LHFPL4: variants seen among roughly 807,000 people sequenced by gnomAD.
LHFPL4 encodes LHFPL tetraspan subfamily member 4, also known as LHFPL tetraspan subfamily member 4 protein.
Under a neutral mutation model 20.0 loss-of-function variants are expected in LHFPL4, and 6 were observed. That is an observed-to-expected ratio of 0.30 (90% CI 0.16 to 0.59). LHFPL4 has a LOEUF of 0.59. Ranked by LOEUF, LHFPL4 falls within the 20% of genes least tolerant of loss-of-function variation. The pLI, the probability that LHFPL4 is intolerant of heterozygous loss-of-function variation, is 0.88. For synonymous variants in LHFPL4, 129 were observed against 143.8 expected (o/e 0.90, Z 0.74); for missense variants, 215 against 331.2 (o/e 0.65, Z 2.72).
chr3:9,520,341 T>TTTG (rs964238163), intron 2 of LHFPL4, among the ~76,000 whole-genome samples: 27 of 152,036 alleles, frequency 1.8e-4, no homozygotes, highest in Middle Eastern at 3.4e-3. Flanking sequence ...CTTGAGGTTT[T>TTTG]TTGTTGTTGT....
chr3:9,541,796 A>T lies in LHFPL4; in HGVS notation c.406+10478T>A, dbSNP rs113078613. Among the ~76,000 whole-genome samples, 13 of 152,000 alleles carry T rather than the reference A, an allele frequency of 8.6e-5. 2 individuals are homozygous for T. Among genetic ancestry groups the T allele is most frequent in the African/African-American group, 2.4e-4 (10 of 41,504 alleles). ...CAAAGAAAAAAAAAATGGATCAAAGACCTAAATGTAAGAGCCAAAACGACA... is the reference window on the plus strand; with the variant it reads ...CAAAGAAAAAAAAAATGGATCAAAGTCCTAAATGTAAGAGCCAAAACGACA... On this transcript the variant is annotated intron_variant, in intron 2 of 3. Transcript: ENST00000287585.
intron 2 of LHFPL4, among the ~76,000 whole-genome samples, chr3:9,517,766 T>G (rs2046312591): frequency 6.6e-6 from 1 of 150,848 alleles, no homozygotes; most frequent in Non-Finnish European, 1.5e-5. Context: ...TGACGTTATA[T>G]TCTGCAATCT....
At position 9,535,163 on chromosome 3, in the gene LHFPL4, G is replaced by C. The variant is rs17531251; in HGVS notation, c.406+17111C>G. Among the ~76,000 whole-genome samples the C allele has an allele frequency of 9.4e-3, 1,425 of 152,176 alleles. 12 individuals are homozygous for C. Among genetic ancestry groups the C allele is most frequent in the Non-Finnish European group, 0.015 (998 of 67,984 alleles). On this transcript the variant is annotated intron_variant, in intron 2 of 3. Transcript: ENST00000287585. ...ACTCATGATGTGTTAGGTCTCAAAA[G>C]GCTTTTAAAAATAACACACAACATA... is the stretch of plus-strand genomic sequence containing the variant.
chr3:9,552,419 G>T lies in LHFPL4; in HGVS notation c.261C>A (p.Ile87=). Residue 87 remains isoleucine, a synonymous_variant, in exon 2 of 4, where the codon ATC becomes ATA. Coordinates refer to ENST00000287585, the MANE Select transcript of LHFPL4 (RefSeq NM_198560.3). ...CRGSFTDFST[I]PSSAFKAAAF... ...CGGCCGCCTTGAAGGCGCTGGACGG[G>T]ATGGTGCTGAAGTCGGTGAAGGAGC... The T allele has an allele frequency of 6.2e-7, 1 of 1,613,840 alleles. No homozygotes were observed.
chr3:9,500,609 C>T lies in LHFPL4; in HGVS notation c.*1602G>A, dbSNP rs1031492392. The T allele has an allele frequency of 6.6e-6, 1 of 152,404 alleles. No homozygotes were observed. The highest frequency in any genetic ancestry group is 1.9e-4 in the East Asian group (1 of 5,162). 9.4% of individuals were successfully genotyped at this position (152,404 alleles called of 1,614,324 possible). On this transcript the variant is annotated 3_prime_UTR_variant, in exon 4 of 4. Transcript: ENST00000287585. ...TGGAAATGAACACAAGGTTGGCAAA[C>T]ACATGGCGCTCAAGCGACCCTCTCC...
At chr3:9,523,983 TC>T (rs373024482) in intron 2 of LHFPL4, among the ~76,000 whole-genome samples, 16,255 of 133,886 alleles carry the variant, frequency 0.12, 1,009 homozygotes, top group Middle Eastern at 0.16. Context: ...GGCTAGTATT[TC>T]CCCCCCCCCC....
In LHFPL4 at chr3:9,506,116, T is replaced by G; in HGVS notation, c.494A>C (p.Lys165Thr). The G allele has an allele frequency of 6.2e-7, 1 of 1,614,144 alleles. No individual in the cohort carries two copies. The highest frequency in any genetic ancestry group is 2.2e-5 in the East Asian group (1 of 44,876). ...IRDMCGAKTG[K>T]YSLGDCSVRW... ...CACTGAACAGTCCCCCAGGGAGTAC[T>G]TCCCCGTCTTGGCCCCACACATGTC... The change falls in exon 3 of 4, where the codon AAG (lysine) becomes ACG (threonine). Residue 165 changes from lysine (K) to threonine (T), a missense_variant. This residue lies in a region of LHFPL4 where 164 missense variants were observed against 286.7 expected (regional missense o/e 0.57). Coordinates refer to ENST00000287585, the MANE Select transcript of LHFPL4 (RefSeq NM_198560.3). The surrounding 1 kb of genome is among the most constrained non-coding windows in gnomAD (Gnocchi z 4.5).
At chr3:9,508,362 C>G (rs1245888359) in intron 2 of LHFPL4, among the ~76,000 whole-genome samples, 1 of 152,186 alleles carries the variant, frequency 6.6e-6, no homozygotes, top group Non-Finnish European at 1.5e-5. Flanking sequence ...CAATGCTCCT[C>G]CTCCAAGTCA....
intron 2 of LHFPL4, among the ~76,000 whole-genome samples, chr3:9,528,884 G>T (rs750815690): frequency 1.5e-4 from 22 of 151,610 alleles, no homozygotes; most frequent in Non-Finnish European, 2.1e-4. Context: ...CAAAGTGCTG[G>T]GATTACAGGC....
chr3:9,532,693 G>C (rs1559520915), intron 2 of LHFPL4, among the ~76,000 whole-genome samples: 1 of 152,146 alleles, frequency 6.6e-6, no homozygotes. Flanking sequence ...CTCTTTTAGG[G>C]AGGCCTTTTT....
chr3:9,509,527 C>A (rs1171353798), intron 2 of LHFPL4, among the ~76,000 whole-genome samples: 2 of 152,138 alleles, frequency 1.3e-5, no homozygotes, highest in Non-Finnish European at 1.5e-5. Flanking sequence ...GTCTTCAGGG[C>A]AGAGGCGTGT....
intron 2 of LHFPL4, among the ~76,000 whole-genome samples, chr3:9,550,190 C>G (rs1474450282): frequency 2.0e-5 from 3 of 152,232 alleles, no homozygotes. Context: ...GTCCAGTGGT[C>G]TGGCTTCTGG....
chr3:9,505,880 C>A, intron 3 of LHFPL4, 87 bp downstream of exon 3: 1 of 1,269,482 alleles, frequency 7.9e-7, no homozygotes, highest in South Asian at 1.3e-5. Flanking sequence ...TTCATGCAAC[C>A]CTCTTACTCC....
chr3:9,504,556 T>A (rs968812766), intron 3 of LHFPL4, among the ~76,000 whole-genome samples: 3 of 152,186 alleles, frequency 2.0e-5, no homozygotes, highest in Non-Finnish European at 4.4e-5. Flanking sequence ...CTGGGCACGG[T>A]GGCTCACACC....
At chr3:9,550,097 G>T (rs1363426169) in intron 2 of LHFPL4, among the ~76,000 whole-genome samples, 1 of 152,094 alleles carries the variant, frequency 6.6e-6, no homozygotes, top group Non-Finnish European at 1.5e-5. Flanking sequence ...GGGAAATTGA[G>T]ATTTAAACTA....
At chr3:9,504,173 C>T (rs2046199446) in intron 3 of LHFPL4, among the ~76,000 whole-genome samples, 1 of 152,154 alleles carries the variant, frequency 6.6e-6, no homozygotes, top group Admixed American at 6.5e-5. Context: ...GAGTTTGAGA[C>T]CAGCCTGGCC....
At chr3:9,546,540 C>T (rs919458566) in intron 2 of LHFPL4, among the ~76,000 whole-genome samples, 23 of 152,104 alleles carry the variant, frequency 1.5e-4, no homozygotes, top group African/African-American at 4.8e-4. Flanking sequence ...GAACCACCTC[C>T]CTTCCATGGA....
chr3:9,537,759 C>A (rs563164204), intron 2 of LHFPL4, among the ~76,000 whole-genome samples: 2 of 152,106 alleles, frequency 1.3e-5, no homozygotes, highest in African/African-American at 4.8e-5. Flanking sequence ...CTCCTCCGCC[C>A]GCCCCTTAAG....
At chr3:9,532,344 T>G (rs962877991) in intron 2 of LHFPL4, among the ~76,000 whole-genome samples, 2 of 149,244 alleles carry the variant, frequency 1.3e-5, no homozygotes, top group Non-Finnish European at 3.0e-5. Context: ...TTATTGTTAT[T>G]ATTATTATAC....
Sources: allele counts gnomAD v4.1 joint callset (sites outside exome capture counted in the v4.1 genomes callset), GRCh38; gene constraint gnomAD v4.1.1; regional missense constraint gnomAD v4.1.1; non-coding constraint Gnocchi (gnomAD v3.1); transcripts MANE v1.5; gene names NCBI Gene and HGNC (gene_info 2026-07-23, HGNC 2026-07-21).